Variants in RNF216 observed in about 807,000 individuals in gnomAD.
RNF216 encodes ring finger protein 216, also known as E3 ubiquitin-protein ligase RNF216.
Under a neutral mutation model 110.8 loss-of-function variants are expected in RNF216, and 72 were observed. That is an observed-to-expected ratio of 0.65 (90% CI 0.54 to 0.79). RNF216 has a LOEUF of 0.79. RNF216 is among the 30% of genes least tolerant of loss of function. The probability of loss-of-function intolerance (pLI) is 0.00; values close to 1 mark genes in which losing one functional copy is unlikely to be tolerated. For synonymous variants in RNF216, 495 were observed against 407.5 expected, an observed-to-expected ratio of 1.21 and a Z score of -2.59; for missense variants, 1,342 against 1,141.2, an observed-to-expected ratio of 1.18 and a Z score of -2.54.
chr7:5,726,851 C>T (rs1793783991), intron 7 of RNF216, among the ~76,000 whole-genome samples: 3 of 148,304 alleles, frequency 2.0e-5, no homozygotes, highest in Non-Finnish European at 4.5e-5. Flanking sequence ...GAGCGTGACT[C>T]TGTCTTAAAA....
Position 5,741,732 on chromosome 7 carries a change from C to G in RNF216, c.285G>C (p.Arg95Ser). The G allele has an allele frequency of 6.2e-7, 1 of 1,614,132 alleles. No individual in the cohort carries two copies. Among genetic ancestry groups the G allele is most frequent in the Non-Finnish European group, 8.5e-7 (1 of 1,180,034 alleles). The change falls in exon 4 of 17, where the codon AGG (arginine) becomes AGC (serine). Residue 95 changes from arginine to serine, a missense_variant. Transcript: ENST00000389902. ...WQDLKRLGEE[R>S]PKKSRAAFES... ...CAAATGCTGCTCTAGACTTTTTAGG[C>G]CTTTCTTCTCCCAACCTTTTCAGAT...
chr7:5,659,118 G>A (rs969270282), intron 13 of RNF216, among the ~76,000 whole-genome samples: 14 of 152,140 alleles, frequency 9.2e-5, no homozygotes, highest in Non-Finnish European at 1.8e-4. Flanking sequence ...AGATCAAGTG[G>A]TGCAGAATAA....
intron 11 of RNF216, among the ~76,000 whole-genome samples, chr7:5,714,242 T>C (rs1028022608): frequency 6.6e-6 from 1 of 152,096 alleles, no homozygotes; most frequent in Non-Finnish European, 1.5e-5. Flanking sequence ...ATTACAGGCA[T>C]AAGCCACAGC....
rs143306235 is a variant in RNF216 at position 5,690,070 on chromosome 7, T to G, written c.2061+21691A>C. 2.6e-5 allele frequency among the ~76,000 whole-genome samples: 4 copies of G among 152,290 alleles called. No homozygotes were observed. The East Asian group carries it at 7.7e-4, about 29-fold the overall frequency. On this transcript the variant is annotated intron_variant, in intron 13 of 16. Coordinates refer to ENST00000389902, the MANE Select transcript of RNF216 (RefSeq NM_207111.4). Reference sequence around the variant, plus strand: ...CCAGGCGCGGTGGGTGGCTCATGCCTGTAATCCCAGCACTCTGGGAGGCTT... The same window carrying G: ...CCAGGCGCGGTGGGTGGCTCATGCCGGTAATCCCAGCACTCTGGGAGGCTT...
At chr7:5,714,369 CT>C (rs1405253026) in intron 11 of RNF216, among the ~76,000 whole-genome samples, 1 of 152,204 alleles carries the variant, frequency 6.6e-6, no homozygotes, top group African/African-American at 2.4e-5. Flanking sequence ...ACCAATTCTC[CT>C]GCCTCAGCCT....
At position 5,749,567 on chromosome 7, in the gene RNF216, A is replaced by G. The variant is rs188620845; in HGVS notation, c.201+3279T>C. ...CAGAAATAACTAAATTTCCTTGTCA[A>G]CTGTGTCATTATAATGAACTCTCAT... On this transcript the variant is annotated intron_variant, in intron 3 of 16. Coordinates refer to ENST00000389902, the MANE Select transcript of RNF216 (RefSeq NM_207111.4). Among the ~76,000 whole-genome samples, 438 of 152,334 alleles carry G rather than the reference A, an allele frequency of 2.9e-3. 2 individuals are homozygous for G. Among genetic ancestry groups the G allele is most frequent in the Admixed American group, 6.1e-3 (93 of 15,292 alleles).
intron 13 of RNF216, among the ~76,000 whole-genome samples, chr7:5,697,405 C>T (rs1258960153): frequency 6.6e-6 from 1 of 152,222 alleles, no homozygotes; most frequent in Admixed American, 6.5e-5. Context: ...AAGCAGAAAT[C>T]AGCCCACATG....
intron 4 of RNF216, 130 bp downstream of exon 4, chr7:5,740,843 T>A: frequency 1.2e-6 from 1 of 814,760 alleles, no homozygotes; most frequent in South Asian, 2.0e-5. Context: ...ATTCTGTACA[T>A]CTAGATATAT....
chr7:5,759,064 G>T (rs181523935), intron 2 of RNF216, among the ~76,000 whole-genome samples: 1 of 152,232 alleles, frequency 6.6e-6, no homozygotes, highest in Admixed American at 6.5e-5. Context: ...ATCCGTTCTG[G>T]TTGCAACAGT....
intron 9 of RNF216, among the ~76,000 whole-genome samples, chr7:5,717,331 C>A (rs1262205996): frequency 6.6e-6 from 1 of 152,132 alleles, no homozygotes; most frequent in Non-Finnish European, 1.5e-5. Flanking sequence ...CTAGCCCGGG[C>A]AACAAGAGTG....
At chr7:5,695,457 C>T (rs192488217) in intron 13 of RNF216, among the ~76,000 whole-genome samples, 127 of 152,260 alleles carry the variant, frequency 8.3e-4, no homozygotes, top group African/African-American at 3.0e-3. Context: ...CCTCGGAGCC[C>T]GGACTAAGCA....
At chr7:5,695,600 G>A (rs1791578318) in intron 13 of RNF216, among the ~76,000 whole-genome samples, 1 of 152,226 alleles carries the variant, frequency 6.6e-6, no homozygotes. Context: ...TTTTATGGTA[G>A]AAAAATGAAT....
chr7:5,650,912 C>T (rs1788346706), intron 14 of RNF216, among the ~76,000 whole-genome samples: 1 of 152,166 alleles, frequency 6.6e-6, no homozygotes, highest in South Asian at 2.1e-4. Flanking sequence ...ATTGCCATTG[C>T]CCACTTCATT....
chr7:5,764,210 TA>T (rs79117988), intron 1 of RNF216, among the ~76,000 whole-genome samples: 9,143 of 115,612 alleles, frequency 0.079, 416 homozygotes, highest in African/African-American at 0.14. Context: ...ATAAACTAAT[TA>T]AAAAAAAAAA....
At chr7:5,778,003 G>C (rs1796878462) in intron 1 of RNF216, among the ~76,000 whole-genome samples, 1 of 152,208 alleles carries the variant, frequency 6.6e-6, no homozygotes, top group Non-Finnish European at 1.5e-5. Flanking sequence ...TGAATCTTCT[G>C]TGACCAAAGG....
chr7:5,775,068 T>C (rs1035799971), intron 1 of RNF216: 1 of 152,174 alleles, frequency 6.6e-6, no homozygotes, highest in African/African-American at 2.4e-5. Context: ...TATAGTTGTA[T>C]TTCCAATGCC....
chr7:5,660,135 G>C (rs1196644883), intron 13 of RNF216, among the ~76,000 whole-genome samples: 1 of 151,142 alleles, frequency 6.6e-6, no homozygotes, highest in East Asian at 1.9e-4. Flanking sequence ...TATTTTATTT[G>C]TACAGACAGG....
At chr7:5,767,716 A>G (rs1430023182) in intron 1 of RNF216, among the ~76,000 whole-genome samples, 4 of 151,608 alleles carry the variant, frequency 2.6e-5, no homozygotes, top group Admixed American at 2.0e-4. Context: ...TTCCTGCCTC[A>G]GCCTCCTGAG....
chr7:5,701,128 G>A (rs1477886170), intron 13 of RNF216, among the ~76,000 whole-genome samples: 1 of 152,178 alleles, frequency 6.6e-6, no homozygotes, highest in African/African-American at 2.4e-5. Flanking sequence ...CCCCCAGCAC[G>A]TGGCTCTCCC....
Sources: allele counts gnomAD v4.1 joint callset (sites outside exome capture counted in the v4.1 genomes callset), GRCh38; gene constraint gnomAD v4.1.1; transcripts MANE v1.5; gene names NCBI Gene and HGNC (gene_info 2026-07-23, HGNC 2026-07-21).